GRID2: variants seen among roughly 807,000 people sequenced by gnomAD.
GRID2 encodes glutamate ionotropic receptor delta type subunit 2, also known as glutamate receptor ionotropic, delta-2.
In GRID2, 33 loss-of-function variants were observed where a neutral mutation model predicts 114.8. The observed-to-expected ratio is 0.29, with a 90% CI of 0.22 to 0.38. GRID2 has a LOEUF of 0.38. Among genes scored for constraint, GRID2 ranks in the 10% least tolerant of loss-of-function variants. The pLI, the probability that GRID2 is intolerant of heterozygous loss-of-function variation, is 1.00. For synonymous variants in GRID2, 505 were observed against 449.9 expected (o/e 1.12, Z -1.55); for missense variants, 1,184 against 1,257.7 (o/e 0.94, Z 0.89).
intron 4 of GRID2, among the ~76,000 whole-genome samples, chr4:93,166,914 G>T (rs1366186546): frequency 2.0e-5 from 3 of 152,152 alleles, no homozygotes; most frequent in Admixed American, 2.0e-4. Flanking sequence ...CCACTAAGCA[G>T]ATGCTCTGTA....
intron 1 of GRID2, among the ~76,000 whole-genome samples, chr4:92,521,019 C>T (rs1724745393): frequency 6.6e-6 from 1 of 151,838 alleles, no homozygotes; most frequent in African/African-American, 2.4e-5. Flanking sequence ...ATAACAATTA[C>T]CGTTCATAAG....
intron 14 of GRID2, among the ~76,000 whole-genome samples, chr4:93,716,161 G>T (rs1171189260): frequency 6.6e-6 from 1 of 152,014 alleles, no homozygotes; most frequent in Non-Finnish European, 1.5e-5. Flanking sequence ...ATGTACTTGG[G>T]TATATAAGAG....
intron 8 of GRID2, among the ~76,000 whole-genome samples, chr4:93,280,931 T>C (rs866280151): frequency 6.6e-6 from 1 of 151,928 alleles, no homozygotes; most frequent in Non-Finnish European, 1.5e-5. Flanking sequence ...GAACACAGAA[T>C]GTACAGAATA....
At chr4:93,022,715 A>G (rs1327021140) in intron 2 of GRID2, among the ~76,000 whole-genome samples, 2 of 151,880 alleles carry the variant, frequency 1.3e-5, no homozygotes, top group Non-Finnish European at 2.9e-5. Flanking sequence ...TTTAATTATA[A>G]GTATCTATTT....
chr4:93,066,686 C>A (rs547562718), intron 2 of GRID2, among the ~76,000 whole-genome samples: 1 of 151,780 alleles, frequency 6.6e-6, no homozygotes, highest in African/African-American at 2.4e-5. Flanking sequence ...TATCATAGAT[C>A]TTAGCAACCT....
intron 3 of GRID2, among the ~76,000 whole-genome samples, chr4:93,108,019 A>C (rs1344568615): frequency 6.6e-6 from 1 of 152,130 alleles, no homozygotes; most frequent in Admixed American, 6.6e-5. Flanking sequence ...CTAGGCTGCA[A>C]CCACAGTGGT....
chr4:92,915,053 C>G (rs548068718), intron 2 of GRID2, among the ~76,000 whole-genome samples: 1 of 151,970 alleles, frequency 6.6e-6, no homozygotes, highest in Non-Finnish European at 1.5e-5. Flanking sequence ...CAATCATGGC[C>G]GAAGTTGAAG....
chr4:92,981,070 A>C (rs1384183767), intron 2 of GRID2, among the ~76,000 whole-genome samples: 2 of 152,086 alleles, frequency 1.3e-5, no homozygotes, highest in African/African-American at 4.8e-5. Context: ...GTCTCATTTC[A>C]ATGTTGATAA....
At chr4:93,432,920 A>T (rs1054374888) in intron 10 of GRID2, among the ~76,000 whole-genome samples, 1 of 152,118 alleles carries the variant, frequency 6.6e-6, no homozygotes, top group Non-Finnish European at 1.5e-5. Flanking sequence ...ATTAAAAAAA[A>T]TTAGCTAGAC....
chr4:92,358,054 G>A (rs1302719510), intron 1 of GRID2, among the ~76,000 whole-genome samples: 1 of 151,890 alleles, frequency 6.6e-6, no homozygotes, highest in Non-Finnish European at 1.5e-5. Flanking sequence ...TTTCAGACAG[G>A]ACTTAAAGTG....
At chr4:92,907,510 C>T (rs1354651020) in intron 2 of GRID2, among the ~76,000 whole-genome samples, 1 of 152,112 alleles carries the variant, frequency 6.6e-6, no homozygotes, top group Non-Finnish European at 1.5e-5. Context: ...CTTCCAGGTT[C>T]AAGCAATTCT....
intron 1 of GRID2, among the ~76,000 whole-genome samples, chr4:92,448,592 T>TA (rs1733591498): frequency 6.6e-6 from 1 of 152,172 alleles, no homozygotes; most frequent in South Asian, 2.1e-4. Flanking sequence ...GATCAACATC[T>TA]AAAAAAATAA....
Position 93,130,696 on chromosome 4 carries a change from T to C in GRID2, c.735+19743T>C, listed in dbSNP as rs147232514. On this transcript the variant is annotated intron_variant, in intron 4 of 15. Coordinates refer to ENST00000282020, the MANE Select transcript of GRID2 (RefSeq NM_001510.4). The stretch of plus-strand genomic sequence containing the variant: ...TAATTTATTGTTCTCCGTCATTAGA[T>C]TGTAAACTTCATGAGGTCGAGCTCT... 9.8e-5 allele frequency among the ~76,000 whole-genome samples: 15 copies of C among 152,340 alleles called. 1 individual carries two copies. The East Asian group carries it at 2.1e-3, about 22-fold the overall frequency.
chr4:93,681,871 C>T (rs1385703034), intron 14 of GRID2, among the ~76,000 whole-genome samples: 1 of 151,840 alleles, frequency 6.6e-6, no homozygotes, highest in Non-Finnish European at 1.5e-5. Flanking sequence ...TAGGCATGGG[C>T]AAGGACTTCA....
At chr4:93,117,008 C>T (rs1478059992) in intron 4 of GRID2, among the ~76,000 whole-genome samples, 1 of 152,108 alleles carries the variant, frequency 6.6e-6, no homozygotes. Context: ...GAATGACAAG[C>T]ATCCACAATC....
intron 4 of GRID2, among the ~76,000 whole-genome samples, chr4:93,189,518 G>C (rs895576631): frequency 6.6e-6 from 1 of 152,084 alleles, no homozygotes; most frequent in African/African-American, 2.4e-5. Context: ...CAGGAATTTT[G>C]GAGGGATACA....
chr4:93,424,889 C>A (rs1768685438), intron 10 of GRID2, among the ~76,000 whole-genome samples: 1 of 152,098 alleles, frequency 6.6e-6, no homozygotes, highest in South Asian at 2.1e-4. Context: ...TCAGATTTGA[C>A]AATTTGTCTT....
chr4:93,748,707 A>ATTACTT (rs33963576), intron 14 of GRID2, among the ~76,000 whole-genome samples: 3 of 151,830 alleles, frequency 2.0e-5, no homozygotes, highest in African/African-American at 7.2e-5. Context: ...CCCCAAAAAA[A>ATTACTT]TAATGTGTGC....
chr4:93,198,207 T>C (rs1741698683), intron 4 of GRID2, among the ~76,000 whole-genome samples: 1 of 152,184 alleles, frequency 6.6e-6, no homozygotes, highest in South Asian at 2.1e-4. Flanking sequence ...ATGAAGTCCT[T>C]ACTACCATGA....
Sources: gnomAD v4.1 joint callset for allele counts (sites outside exome capture counted in the v4.1 genomes callset) on GRCh38, gnomAD v4.1.1 for gene constraint, MANE v1.5 for transcripts, NCBI Gene and HGNC (gene_info 2026-07-23, HGNC 2026-07-21) for gene names.